NIBAN1: variants seen among roughly 807,000 people sequenced by gnomAD.
The protein encoded by NIBAN1 is niban apoptosis regulator 1.
Under a neutral mutation model 75.1 loss-of-function variants are expected in NIBAN1, and 81 were observed. The ratio of observed to expected loss-of-function variants is 1.08; its 90% CI spans 0.90 to 1.30. The LOEUF is 1.30. Among genes scored for constraint, NIBAN1 ranks in the 50% most tolerant of loss-of-function variants. The pLI is 0.00. For synonymous variants in NIBAN1, 436 were observed against 424.8 expected, an observed-to-expected ratio of 1.03 and a Z score of -0.32; for missense variants, 1,133 against 1,128.1, an observed-to-expected ratio of 1.00 and a Z score of -0.06.
At position 184,928,747 on chromosome 1, in the gene NIBAN1, C is replaced by T. The variant is rs118157792; in HGVS notation, c.56-29438G>A. 3.7e-3 allele frequency among the ~76,000 whole-genome samples: 566 copies of T among 152,262 alleles called. 6 individuals carry two copies. The highest frequency in any genetic ancestry group is 0.027 in the South Asian group (129 of 4,822). On this transcript the variant is annotated intron_variant, in intron 1 of 13. Coordinates refer to ENST00000367511, the MANE Select transcript of NIBAN1 (RefSeq NM_052966.4). ...GCAATTCAAGACTGCCTCTCCCACC[C>T]TCTTTGGTGCCTCTTTCAGTGATAG...
rs372732835 is a variant in NIBAN1, at chr1:184,885,446, A to T, written c.434-646T>A. Among the ~76,000 whole-genome samples the T allele has an allele frequency of 2.8e-4, 43 of 152,270 alleles. No homozygotes were observed. The East Asian group carries it at 3.1e-3, about 11-fold the overall frequency. ...TGACTTTGCCTCCCAAAGTGCTGGG[A>T]TTACAGGCATGAGCCACCGCGCCCA... On this transcript the variant is annotated intron_variant, in intron 4 of 13. Coordinates refer to ENST00000367511, the MANE Select transcript of NIBAN1 (RefSeq NM_052966.4).
intron 1 of NIBAN1, among the ~76,000 whole-genome samples, chr1:184,914,436 A>G (rs1657327989): frequency 6.6e-6 from 1 of 152,206 alleles, no homozygotes; most frequent in East Asian, 1.9e-4. Flanking sequence ...TCTAATAGAA[A>G]TTTTGGGGAT....
Position 184,805,987 on chromosome 1 carries a change from T to A in NIBAN1, c.1405A>T (p.Thr469Ser), listed in dbSNP as rs1337267889. ...SPHLQGEASK[T>S]AVAIEKVKLR... ...TTAACCTTCTCAATGGCAACTGCAG[T>A]TTTGGAGGCCTCTCCTTGGAGATGT... is the stretch of plus-strand genomic sequence containing the variant. The change falls in exon 11 of 14, where the codon ACT becomes TCT. Residue 469 changes from threonine to serine, a missense_variant. By Grantham distance (58) the Thr-to-Ser change is moderately conservative. Transcript: ENST00000367511. The A allele has an allele frequency of 6.2e-7, 1 of 1,614,132 alleles. No individual in the cohort carries two copies. The highest frequency in any genetic ancestry group is 1.7e-5 in the Admixed American group (1 of 60,014).
chr1:184,889,277 C>G (rs1203311105), intron 4 of NIBAN1, among the ~76,000 whole-genome samples: 1 of 152,088 alleles, frequency 6.6e-6, no homozygotes, highest in Non-Finnish European at 1.5e-5. Context: ...AGTTCAAAGC[C>G]CTGTTTTTGA....
At chr1:184,945,285 G>A (rs1464473897) in intron 1 of NIBAN1, among the ~76,000 whole-genome samples, 1 of 152,176 alleles carries the variant, frequency 6.6e-6, no homozygotes, top group Non-Finnish European at 1.5e-5. Context: ...TGAAATCAAT[G>A]ATGTCATGAG....
intron 1 of NIBAN1, among the ~76,000 whole-genome samples, chr1:184,933,493 G>A (rs1345830139): frequency 2.0e-5 from 3 of 151,988 alleles, no homozygotes; most frequent in Non-Finnish European, 4.4e-5. Context: ...TATGAATCAG[G>A]GATAGTGCTG....
At chr1:184,905,036 A>C (rs1344779115) in intron 1 of NIBAN1, among the ~76,000 whole-genome samples, 1 of 152,156 alleles carries the variant, frequency 6.6e-6, no homozygotes, top group Non-Finnish European at 1.5e-5. Context: ...GCTCTTAAAC[A>C]GGAACAAAAA....
chr1:184,825,742 C>T (rs1188476509), intron 6 of NIBAN1, among the ~76,000 whole-genome samples: 4 of 152,220 alleles, frequency 2.6e-5, no homozygotes, highest in Non-Finnish European at 4.4e-5. Flanking sequence ...TTCAGATTCA[C>T]TTTCACCACG....
intron 1 of NIBAN1, among the ~76,000 whole-genome samples, chr1:184,952,907 T>C (rs537332995): frequency 1.3e-5 from 2 of 152,354 alleles, no homozygotes; most frequent in South Asian, 4.1e-4. Flanking sequence ...TTATGCTGTC[T>C]ATTAAGTCTG....
chr1:184,965,649 G>C (rs920567752), intron 1 of NIBAN1, among the ~76,000 whole-genome samples: 10 of 152,188 alleles, frequency 6.6e-5, no homozygotes, highest in Non-Finnish European at 1.5e-4. Flanking sequence ...CTATCAGAGG[G>C]TGAACGGTGG....
At chr1:184,963,294 A>G (rs1421795716) in intron 1 of NIBAN1, among the ~76,000 whole-genome samples, 2 of 152,164 alleles carry the variant, frequency 1.3e-5, no homozygotes, top group Admixed American at 6.5e-5. Context: ...AGGGGGGAGT[A>G]TCCTTAAGCT....
At chr1:184,903,626 T>C (rs1366852750) in intron 1 of NIBAN1, among the ~76,000 whole-genome samples, 3 of 152,022 alleles carry the variant, frequency 2.0e-5, no homozygotes, top group South Asian at 2.1e-4. Flanking sequence ...GCTCCCCCTT[T>C]GCCTTCTGCT....
intron 5 of NIBAN1, among the ~76,000 whole-genome samples, chr1:184,835,684 C>T (rs1655120170): frequency 6.6e-6 from 1 of 152,156 alleles, no homozygotes; most frequent in African/African-American, 2.4e-5. Context: ...GATTTTTGCA[C>T]ATTGATTTTG....
At chr1:184,823,127 G>T (rs757241943) in intron 8 of NIBAN1, 40 bp downstream of exon 8, 1 of 1,602,392 alleles carries the variant, frequency 6.2e-7, no homozygotes. Flanking sequence ...TGCATGTACA[G>T]CTTATTTAAT....
intron 1 of NIBAN1, among the ~76,000 whole-genome samples, chr1:184,966,424 G>A (rs949692346): frequency 2.0e-5 from 3 of 152,194 alleles, no homozygotes; most frequent in Non-Finnish European, 4.4e-5. Context: ...TGATCCACCA[G>A]ATGCATGCAT....
Position 184,860,432 on chromosome 1 carries a change from C to T in NIBAN1, c.601+24201G>A, listed in dbSNP as rs1327293774. On this transcript the variant is annotated intron_variant, in intron 5 of 13. Transcript: ENST00000367511. ...AGAAGTCATTGCTTTTATTTATCCT[C>T]AGACATTGTGAAAAAAATTGTTCTA... is the stretch of plus-strand genomic sequence containing the variant. Among the ~76,000 whole-genome samples, 3 of 152,012 alleles carry T rather than the reference C, an allele frequency of 2.0e-5. No individual in the cohort carries two copies. In the East Asian group the frequency reaches 5.8e-4, roughly 29 times the overall value.
intron 1 of NIBAN1, among the ~76,000 whole-genome samples, chr1:184,903,232 C>T (rs150566951): frequency 6.6e-6 from 1 of 152,160 alleles, no homozygotes; most frequent in Admixed American, 6.5e-5. Context: ...GATATACCAC[C>T]ATTTTTGGCA....
intron 5 of NIBAN1, among the ~76,000 whole-genome samples, chr1:184,867,382 T>C (rs1037786792): frequency 6.6e-6 from 1 of 152,206 alleles, no homozygotes; most frequent in African/African-American, 2.4e-5. Flanking sequence ...CCTATGTTCT[T>C]AGCAAGAATG....
chr1:184,812,995 G>T (rs1343971778), intron 9 of NIBAN1, among the ~76,000 whole-genome samples: 1 of 152,126 alleles, frequency 6.6e-6, no homozygotes, highest in Non-Finnish European at 1.5e-5. Context: ...TGGTTAATAA[G>T]AAATTTTAAA....
Sources: gnomAD v4.1 joint callset for allele counts (sites outside exome capture counted in the v4.1 genomes callset) on GRCh38, gnomAD v4.1.1 for gene constraint, MANE v1.5 for transcripts, NCBI Gene and HGNC (gene_info 2026-07-23, HGNC 2026-07-21) for gene names.